The following CNTLN variants were observed in gnomAD, a reference collection of about 807,000 sequenced individuals.
CNTLN encodes the protein centlein, centrosomal protein.
Under a neutral mutation model 180.0 loss-of-function variants are expected in CNTLN, and 212 were observed. The ratio of observed to expected loss-of-function variants is 1.18; its 90% CI spans 1.05 to 1.32. CNTLN has a LOEUF of 1.32. Ranked by LOEUF, CNTLN falls within the 40% of genes most tolerant of loss-of-function variation. CNTLN has a pLI of 0.00. For missense variants in CNTLN, 2,095 were observed against 1,610.9 expected, an observed-to-expected ratio of 1.30 and a Z score of -5.14; for synonymous variants, 722 against 563.1, an observed-to-expected ratio of 1.28 and a Z score of -3.99.
At chr9:17,154,534 G>A (rs1249116078) in intron 2 of CNTLN, among the ~76,000 whole-genome samples, 2 of 152,210 alleles carry the variant, frequency 1.3e-5, no homozygotes, top group East Asian at 3.9e-4. Flanking sequence ...TGGGGCACCT[G>A]CCAGATGCCA....
At chr9:17,354,255 G>C (rs757070491) in intron 12 of CNTLN, among the ~76,000 whole-genome samples, 19 of 152,124 alleles carry the variant, frequency 1.2e-4, no homozygotes, top group Non-Finnish European at 2.5e-4. Context: ...GAGCCTCCCC[G>C]ACGAGCACCA....
At chr9:17,289,466 T>A (rs1476359161) in intron 6 of CNTLN, among the ~76,000 whole-genome samples, 5 of 133,728 alleles carry the variant, frequency 3.7e-5, no homozygotes, top group Admixed American at 3.0e-4. Context: ...TCAACTTTGG[T>A]GAATCTGACA....
chr9:17,151,947 T>C (rs1483451944), intron 2 of CNTLN, among the ~76,000 whole-genome samples: 2 of 152,198 alleles, frequency 1.3e-5, no homozygotes. Context: ...TTTATTTGCG[T>C]AGAGGTGTTT....
In CNTLN at chr9:17,457,655, A is replaced by G. The variant is rs929043322; in HGVS notation, c.3246A>G (p.Thr1082=). The G allele has an allele frequency of 9.1e-6, 14 of 1,545,394 alleles. No individual in the cohort carries two copies. The highest frequency in any genetic ancestry group is 4.9e-5 in the East Asian group (2 of 40,810). The part of the protein sequence containing the change: ...SQVTFPRIQV[T]SLSPSRSMDL... The stretch of plus-strand genomic sequence containing the variant: ...TAACATTTCCACGGATACAAGTTAC[A>G]TCACTTAGTCCTTCAAGGAGCATGG... The change falls in exon 19 of 26, where the codon ACA becomes ACG. Residue 1082 remains threonine (T), a synonymous_variant. Coordinates refer to ENST00000380647, the MANE Select transcript of CNTLN (RefSeq NM_017738.4).
At chr9:17,151,368 T>A (rs541033523) in intron 2 of CNTLN, among the ~76,000 whole-genome samples, 66 of 152,354 alleles carry the variant, frequency 4.3e-4, no homozygotes, top group Admixed American at 1.0e-3. Context: ...AGGTGTTGAA[T>A]TTTATTGAAG....
intron 7 of CNTLN, among the ~76,000 whole-genome samples, chr9:17,308,747 T>A (rs937891046): frequency 6.6e-6 from 1 of 151,958 alleles, no homozygotes; most frequent in Non-Finnish European, 1.5e-5. Flanking sequence ...GCTTAAAGTA[T>A]TTTCTTCCTC....
At chr9:17,420,055 T>C (rs1828588085) in intron 18 of CNTLN, among the ~76,000 whole-genome samples, 1 of 152,024 alleles carries the variant, frequency 6.6e-6, no homozygotes. Context: ...GCTGGGACTA[T>C]AGGCACGCAA....
At chr9:17,378,732 G>C (rs1217847179) in intron 13 of CNTLN, among the ~76,000 whole-genome samples, 3 of 152,172 alleles carry the variant, frequency 2.0e-5, no homozygotes, top group African/African-American at 7.2e-5. Flanking sequence ...ACCAACTACA[G>C]AGTGTTTTCT....
chr9:17,315,673 A>AT (rs1370070006), intron 8 of CNTLN, among the ~76,000 whole-genome samples: 2 of 151,638 alleles, frequency 1.3e-5, no homozygotes, highest in African/African-American at 4.8e-5. Flanking sequence ...ATCTTCAAAG[A>AT]TTTTTTTCTG....
At chr9:17,330,478 A>T (rs1044332988) in intron 8 of CNTLN, among the ~76,000 whole-genome samples, 154 bp from the exon 9 acceptor site, 2 of 152,044 alleles carry the variant, frequency 1.3e-5, no homozygotes, top group African/African-American at 4.8e-5. Flanking sequence ...TGGAATGAAA[A>T]GGTTCAGCTC....
chr9:17,471,002 A>T (rs1475690434), intron 23 of CNTLN, among the ~76,000 whole-genome samples: 1 of 152,038 alleles, frequency 6.6e-6, no homozygotes, highest in South Asian at 2.1e-4. Context: ...TCTATGATAC[A>T]ATTCAAGTTG....
chr9:17,185,771 T>TTGTGTGTGTGTGTGTG (rs371473319), intron 2 of CNTLN, among the ~76,000 whole-genome samples: 8,207 of 143,550 alleles, frequency 0.057, 253 homozygotes, highest in Non-Finnish European at 0.067. Context: ...TGTTTCCCAT[T>TTGTGTGTGTGTGTGTG]TGTGTGTGTG....
chr9:17,515,165 C>T, the CNTLN span, among the ~76,000 whole-genome samples: 3 of 152,164 alleles, frequency 2.0e-5, no homozygotes, highest in Non-Finnish European at 1.5e-5. Context: ...CCGTCAGCAA[C>T]ATTTGGCCCT....
intron 5 of CNTLN, among the ~76,000 whole-genome samples, chr9:17,258,175 C>T (rs1371904674): frequency 2.1e-5 from 3 of 145,772 alleles, no homozygotes; most frequent in African/African-American, 8.0e-5. Context: ...GGAAGGGATC[C>T]AGTTTCAGCT....
chr9:17,422,661 A>G (rs1370468472), intron 18 of CNTLN, among the ~76,000 whole-genome samples: 5 of 151,964 alleles, frequency 3.3e-5, no homozygotes, highest in Admixed American at 6.6e-5. Flanking sequence ...AGTGATTTTG[A>G]ATTCTCTGTC....
chr9:17,214,033 T>G (rs1251981564), intron 2 of CNTLN, among the ~76,000 whole-genome samples: 2 of 152,220 alleles, frequency 1.3e-5, no homozygotes, highest in African/African-American at 2.4e-5. Flanking sequence ...GTCTTTTAAT[T>G]GGAGCATTTA....
At chr9:17,372,038 A>G (rs1408374453) in intron 13 of CNTLN, among the ~76,000 whole-genome samples, 1 of 152,100 alleles carries the variant, frequency 6.6e-6, no homozygotes, top group Non-Finnish European at 1.5e-5. Flanking sequence ...TAACTTAACG[A>G]TGCATCTTGA....
chr9:17,160,739 C>T (rs1399137963), intron 2 of CNTLN, among the ~76,000 whole-genome samples: 2 of 152,114 alleles, frequency 1.3e-5, no homozygotes, highest in African/African-American at 4.8e-5. Flanking sequence ...AATGAAAATT[C>T]TAGGACTTTC....
chr9:17,169,578 A>G (rs1394707685), intron 2 of CNTLN, among the ~76,000 whole-genome samples: 1 of 152,100 alleles, frequency 6.6e-6, no homozygotes, highest in Non-Finnish European at 1.5e-5. Flanking sequence ...ATTTTTGTGT[A>G]TGGCATAAGA....
Sources: gnomAD v4.1 joint callset for allele counts (sites outside exome capture counted in the v4.1 genomes callset) on GRCh38, gnomAD v4.1.1 for gene constraint, MANE v1.5 for transcripts, NCBI Gene and HGNC (gene_info 2026-07-23, HGNC 2026-07-21) for gene names.